The following KLHL6 variants were observed in gnomAD, a reference collection of about 807,000 sequenced individuals.
KLHL6 encodes the protein kelch like family member 6.
In KLHL6, 41 loss-of-function variants were observed where a neutral mutation model predicts 58.6. The observed-to-expected ratio is 0.70, with a 90% CI of 0.55 to 0.91. KLHL6 has a LOEUF of 0.91. Ranked by LOEUF, KLHL6 falls within the 40% of genes least tolerant of loss-of-function variation. The pLI, the probability that KLHL6 is intolerant of heterozygous loss-of-function variation, is 0.00. For missense variants in KLHL6, 714 were observed against 805.6 expected (o/e 0.89, Z 1.38); for synonymous variants, 338 against 322.7 (o/e 1.05, Z -0.51).
intron 3 of KLHL6, among the ~76,000 whole-genome samples, chr3:183,506,722 G>C (rs1220424229): frequency 6.6e-6 from 1 of 152,052 alleles, no homozygotes; most frequent in Admixed American, 6.6e-5. Context: ...CAGCTACTTG[G>C]ATGGCTGAGG....
At chr3:183,510,120 T>A (rs1718139296) in intron 2 of KLHL6, among the ~76,000 whole-genome samples, 1 of 152,180 alleles carries the variant, frequency 6.6e-6, no homozygotes, top group Non-Finnish European at 1.5e-5. Flanking sequence ...ATTTTACAGA[T>A]GACATGTCTC....
At chr3:183,513,580 C>G (rs1048524811) in intron 2 of KLHL6, among the ~76,000 whole-genome samples, 2 of 152,164 alleles carry the variant, frequency 1.3e-5, no homozygotes, top group African/African-American at 4.8e-5. Flanking sequence ...AAGAAGGAAA[C>G]CACAGAGGAG....
chr3:183,535,510 A>C (rs1296056118), intron 1 of KLHL6, among the ~76,000 whole-genome samples: 1 of 152,224 alleles, frequency 6.6e-6, no homozygotes, highest in Non-Finnish European at 1.5e-5. Flanking sequence ...AATAAGCTTC[A>C]TATAACTGAG....
intron 5 of KLHL6, 36 bp downstream of exon 5, chr3:183,494,043 A>G: frequency 6.4e-7 from 1 of 1,573,280 alleles, no homozygotes; most frequent in Non-Finnish European, 8.7e-7. Flanking sequence ...TGAAGTAATA[A>G]TACAGGCAGT....
chr3:183,523,798 C>T (rs991676479), intron 2 of KLHL6, among the ~76,000 whole-genome samples: 4 of 151,862 alleles, frequency 2.6e-5, no homozygotes, highest in African/African-American at 9.7e-5. Flanking sequence ...TTCACTCTGT[C>T]GCCCAGGCTG....
Position 183,514,671 on chromosome 3 carries a change from T to A in KLHL6, c.460-6163A>T, listed in dbSNP as rs547169940. ...TTTCTTTCTTTTTTTAAATTTAATTTAATTTTTTTTTTTTGAGATGGAGTC... is the reference window on the plus strand; with the variant it reads ...TTTCTTTCTTTTTTTAAATTTAATTAAATTTTTTTTTTTTGAGATGGAGTC... On this transcript the variant is annotated intron_variant, in intron 2 of 6. Transcript: ENST00000341319. Among the ~76,000 whole-genome samples the A allele has an allele frequency of 2.3e-3, 354 of 151,450 alleles. 3 individuals are homozygous for A. The highest frequency in any genetic ancestry group is 5.6e-3 in the South Asian group (27 of 4,810).
chr3:183,498,052 T>A (rs981558605), intron 4 of KLHL6, among the ~76,000 whole-genome samples: 2 of 151,934 alleles, frequency 1.3e-5, no homozygotes, highest in Non-Finnish European at 2.9e-5. Context: ...TGACCAACAC[T>A]GTGAAACCCC....
intron 2 of KLHL6, among the ~76,000 whole-genome samples, chr3:183,517,462 C>T (rs1262274857): frequency 6.6e-6 from 1 of 152,210 alleles, no homozygotes; most frequent in Non-Finnish European, 1.5e-5. Flanking sequence ...CTAGCCACTC[C>T]TTTCAGTCCT....
chr3:183,537,200 C>T (rs1196576789), intron 1 of KLHL6, among the ~76,000 whole-genome samples: 2 of 152,166 alleles, frequency 1.3e-5, no homozygotes, highest in East Asian at 3.9e-4. Context: ...AAAGCTTGGT[C>T]CCCATGGGTT....
Position 183,555,542 on chromosome 3 carries a change from A to G in KLHL6, c.112T>C (p.Leu38=). The change falls in exon 1 of 7, where the codon TTG becomes CTG. Residue 38 remains leucine, a synonymous_variant. Coordinates refer to ENST00000341319, the MANE Select transcript of KLHL6 (RefSeq NM_130446.4). ...TTTTCCCCATTTAAGATCTCGACCAAGTCTCCTGTTTTCTGGGAGGGCTCA... is the reference window on the plus strand; with the variant it reads ...TTTTCCCCATTTAAGATCTCGACCAGGTCTCCTGTTTTCTGGGAGGGCTCA... ...TDEPSQKTGD[L]VEILNGEKVK... is the part of the protein sequence containing the mutation. The G allele has an allele frequency of 6.2e-7, 1 of 1,614,080 alleles. No homozygotes were observed. The highest frequency in any genetic ancestry group is 8.5e-7 in the Non-Finnish European group (1 of 1,180,012).
chr3:183,534,131 TG>T (rs1212909854), intron 1 of KLHL6, among the ~76,000 whole-genome samples: 847 of 28,464 alleles, frequency 0.03, 60 homozygotes, highest in African/African-American at 0.071. Context: ...TAAAGTACTT[TG>T]TACTTTTAAA....
chr3:183,491,903 GC>G lies in KLHL6; in HGVS notation c.*23del. On this transcript the variant is annotated 3_prime_UTR_variant, in exon 7 of 7. Coordinates refer to ENST00000341319, the MANE Select transcript of KLHL6 (RefSeq NM_130446.4). ...GGCGGGTACGCTGAGGGTCGGGGGGGCTCTCCAGCTCCCCATCCTGCCGTCA... is the reference window on the plus strand; with the variant it reads ...GGCGGGTACGCTGAGGGTCGGGGGGGTCTCCAGCTCCCCATCCTGCCGTCA... 6.9e-7 allele frequency: 1 copy of G among 1,456,552 alleles called. No individual in the cohort carries two copies. The highest frequency in any genetic ancestry group is 9.1e-7 in the Non-Finnish European group (1 of 1,100,226). 90.2% of individuals were successfully genotyped at this position (1,456,552 alleles called of 1,614,324 possible). A position where few individuals can be genotyped will look rare whatever the true frequency, so the allele number is the denominator to read the frequency against.
intron 4 of KLHL6, among the ~76,000 whole-genome samples, chr3:183,496,377 A>G (rs1184185497): frequency 1.3e-5 from 2 of 152,240 alleles, no homozygotes; most frequent in African/African-American, 4.8e-5. Flanking sequence ...GAGCACTGTC[A>G]TTCATCACTG....
chr3:183,499,984 G>A lies in KLHL6; in HGVS notation c.910-157C>T, dbSNP rs956002384. On this transcript the variant is annotated intron_variant, in intron 3 of 6. Transcript: ENST00000341319. The surrounding 1 kb of genome is among the most constrained non-coding windows in gnomAD (Gnocchi z 4.6). ...CCTCAGTTTCATCATCTGTATAATC[G>A]GGATAGCAGAGGTAACTACCTCATA... Among the ~76,000 whole-genome samples the A allele has an allele frequency of 2.6e-5, 4 of 152,152 alleles. No homozygotes were observed. The highest frequency in any genetic ancestry group is 7.2e-5 in the African/African-American group (3 of 41,426).
intron 1 of KLHL6, among the ~76,000 whole-genome samples, chr3:183,532,511 A>G (rs1712194804): frequency 6.6e-6 from 1 of 152,230 alleles, no homozygotes; most frequent in South Asian, 2.1e-4. Flanking sequence ...TGCCCAAATA[A>G]CAGTCTACGA....
At position 183,555,677 on chromosome 3, in the gene KLHL6, G is replaced by A; in HGVS notation, c.-24C>T. Reference sequence around the variant, plus strand: ...ATCGAGACTGAAGGAGCGCCCAAGTGTCAGGCAGGCCCCATTGCAGGAGCT... The same window carrying A: ...ATCGAGACTGAAGGAGCGCCCAAGTATCAGGCAGGCCCCATTGCAGGAGCT... On this transcript the variant is annotated 5_prime_UTR_variant, in exon 1 of 7. Coordinates refer to ENST00000341319, the MANE Select transcript of KLHL6 (RefSeq NM_130446.4). 1 of 1,554,376 alleles carries A rather than the reference G, an allele frequency of 6.4e-7. No homozygotes were observed.
At chr3:183,549,847 G>A (rs1437498915) in intron 1 of KLHL6, among the ~76,000 whole-genome samples, 1 of 152,160 alleles carries the variant, frequency 6.6e-6, no homozygotes, top group East Asian at 1.9e-4. Context: ...GGCCGGGTCA[G>A]GAGGATCCCT....
At chr3:183,534,105 A>T (rs796719925) in intron 1 of KLHL6, among the ~76,000 whole-genome samples, 14 of 126,358 alleles carry the variant, frequency 1.1e-4, no homozygotes, top group East Asian at 7.8e-4. Context: ...AAAGTACTTT[A>T]AAAGTACTTT....
At chr3:183,538,119 C>T (rs1712425305) in intron 1 of KLHL6, among the ~76,000 whole-genome samples, 1 of 152,136 alleles carries the variant, frequency 6.6e-6, no homozygotes, top group Non-Finnish European at 1.5e-5. Flanking sequence ...TAGGGAACTC[C>T]TATCACACTC....
Sources: allele counts gnomAD v4.1 joint callset (sites outside exome capture counted in the v4.1 genomes callset), GRCh38; gene constraint gnomAD v4.1.1; non-coding constraint Gnocchi (gnomAD v3.1); transcripts MANE v1.5; gene names NCBI Gene and HGNC (gene_info 2026-07-23, HGNC 2026-07-21).